R3HCC1L: variants seen among roughly 807,000 people sequenced by gnomAD.
R3HCC1L encodes the protein coiled-coil domain-containing protein R3HCC1L.
In R3HCC1L, 51 loss-of-function variants were observed where a neutral mutation model predicts 59.9. The ratio of observed to expected loss-of-function variants is 0.85; its 90% CI spans 0.68 to 1.07. R3HCC1L has a LOEUF of 1.07. Ranked by LOEUF, R3HCC1L falls within the 50% of genes least tolerant of loss-of-function variation. The pLI is 0.00. For missense variants in R3HCC1L, 965 were observed against 933.0 expected, an observed-to-expected ratio of 1.03 and a Z score of -0.45; for synonymous variants, 322 against 315.2, an observed-to-expected ratio of 1.02 and a Z score of -0.23.
chr10:98,208,953 C>T lies in R3HCC1L; in HGVS notation c.839C>T (p.Thr280Ile), dbSNP rs1373171971. The change falls in exon 5 of 10, where the codon ACT becomes ATT. Residue 280 changes from threonine to isoleucine, a missense_variant. Physicochemically the swap from Thr to Ile is moderately conservative, Grantham distance 89. Coordinates refer to ENST00000298999, the MANE Select transcript of R3HCC1L (RefSeq NM_001351015.2). ...PGSPDGVFDQ[T>I]CVDFEVESVG... is the part of the protein sequence containing the mutation. ...AGTCCAGATGGTGTCTTTGATCAAA[C>T]TTGCGTAGATTTTGAAGTTGAGAGT... The T allele has an allele frequency of 6.2e-6, 10 of 1,614,040 alleles. No individual in the cohort carries two copies. Among genetic ancestry groups the T allele is most frequent in the Non-Finnish European group, 8.5e-6 (10 of 1,179,962 alleles).
At chr10:98,135,152 G>T (rs914139644) in intron 1 of R3HCC1L, among the ~76,000 whole-genome samples, 2 of 152,228 alleles carry the variant, frequency 1.3e-5, no homozygotes, top group East Asian at 1.9e-4. Flanking sequence ...GGAGCCCCGG[G>T]CTACGGGCTG....
intron 4 of R3HCC1L, among the ~76,000 whole-genome samples, chr10:98,198,327 T>C (rs1851670975): frequency 1.3e-5 from 2 of 152,224 alleles, no homozygotes; most frequent in East Asian, 3.9e-4. Context: ...TAAATTTGTC[T>C]GTAAGGTACT....
At chr10:98,216,609 G>T (rs1337045883) in intron 5 of R3HCC1L, among the ~76,000 whole-genome samples, 1 of 152,102 alleles carries the variant, frequency 6.6e-6, no homozygotes, top group Non-Finnish European at 1.5e-5. Context: ...GTCTCACTTT[G>T]TTGCCCAGGC....
At chr10:98,164,672 C>G (rs1445626828) in intron 4 of R3HCC1L, among the ~76,000 whole-genome samples, 2 of 152,098 alleles carry the variant, frequency 1.3e-5, no homozygotes, top group Middle Eastern at 3.2e-3. Flanking sequence ...CACAAGAGTA[C>G]TTCTCAAGTC....
chr10:98,208,129 A>G lies in R3HCC1L; in HGVS notation c.15A>G (p.Ser5=). The change falls in exon 5 of 10, where the codon TCA becomes TCG. Residue 5 remains serine (S), a synonymous_variant. Coordinates refer to ENST00000298999, the MANE Select transcript of R3HCC1L (RefSeq NM_001351015.2). MQQE[S]ERCRVRARRP... ...GTGGTGGTGCCATGCAGCAAGAATCAGAGAGATGCAGAGTTAGAGCCAGAA... is the reference window on the plus strand; with the variant it reads ...GTGGTGGTGCCATGCAGCAAGAATCGGAGAGATGCAGAGTTAGAGCCAGAA... 1.9e-6 allele frequency: 3 copies of G among 1,610,376 alleles called. No homozygotes were observed. The South Asian group carries it at 3.3e-5, about 18-fold the overall frequency.
At chr10:98,159,368 T>C (rs73323858) in intron 2 of R3HCC1L, among the ~76,000 whole-genome samples, 6,311 of 152,294 alleles carry the variant, frequency 0.041, 416 homozygotes, top group African/African-American at 0.14. Flanking sequence ...TTTTTATGTT[T>C]AACCATTTTT....
intron 4 of R3HCC1L, among the ~76,000 whole-genome samples, chr10:98,196,430 T>C (rs1252535581): frequency 6.6e-6 from 1 of 152,152 alleles, no homozygotes; most frequent in Non-Finnish European, 1.5e-5. Flanking sequence ...ACAGCATTTA[T>C]CTTATTTTAT....
chr10:98,139,311 T>C (rs1257796864), intron 1 of R3HCC1L, among the ~76,000 whole-genome samples: 1 of 152,248 alleles, frequency 6.6e-6, no homozygotes, highest in African/African-American at 2.4e-5. Context: ...AAATATATGA[T>C]TAGCCGTCAC....
intron 4 of R3HCC1L, among the ~76,000 whole-genome samples, 176 bp from the exon 5 acceptor site, chr10:98,207,925 G>A (rs1026803516): frequency 5.9e-5 from 9 of 152,202 alleles, no homozygotes; most frequent in African/African-American, 2.2e-4. Context: ...TCAGGAGGCA[G>A]AGGTGGAAGG....
At chr10:98,147,208 T>A (rs1845746732) in intron 1 of R3HCC1L, among the ~76,000 whole-genome samples, 1 of 152,208 alleles carries the variant, frequency 6.6e-6, no homozygotes, top group East Asian at 1.9e-4. Context: ...TTGAATGTCA[T>A]CTTTTGAAAC....
chr10:98,163,909 AC>A (rs1847685513), intron 4 of R3HCC1L, among the ~76,000 whole-genome samples: 1 of 152,188 alleles, frequency 6.6e-6, no homozygotes, highest in Non-Finnish European at 1.5e-5. Context: ...TTTAAATATT[AC>A]CCTATAAGTA....
chr10:98,151,971 G>A (rs370745120), intron 1 of R3HCC1L, among the ~76,000 whole-genome samples: 129 of 151,652 alleles, frequency 8.5e-4, no homozygotes, highest in Non-Finnish European at 1.4e-3. Flanking sequence ...GGTCTCCCTC[G>A]CCCTCTTTCC....
intron 5 of R3HCC1L, 62 bp from the exon 6 acceptor site, chr10:98,231,450 A>G (rs1856378801): frequency 7.0e-7 from 1 of 1,420,312 alleles, no homozygotes; most frequent in Admixed American, 2.0e-5. Context: ...TATATATAGG[A>G]ATATATTTTA....
At chr10:98,174,865 A>G in intron 4 of R3HCC1L, 1 of 768,110 alleles carries the variant, frequency 1.3e-6, no homozygotes, top group Non-Finnish European at 1.6e-6. Context: ...TTACATATTG[A>G]TGTTCGTAAT....
At chr10:98,135,132 C>T (rs900373112) in intron 1 of R3HCC1L, among the ~76,000 whole-genome samples, 4 of 152,260 alleles carry the variant, frequency 2.6e-5, no homozygotes, top group Non-Finnish European at 5.9e-5. Context: ...TGAGCCTCCT[C>T]CGCTGCCCGG....
chr10:98,143,175 G>A (rs1235030180), intron 1 of R3HCC1L, among the ~76,000 whole-genome samples: 1 of 152,182 alleles, frequency 6.6e-6, no homozygotes, highest in Non-Finnish European at 1.5e-5. Flanking sequence ...TTATTAGCTT[G>A]TTTTGGTAGT....
At chr10:98,171,690 A>G (rs1437361981) in intron 4 of R3HCC1L, among the ~76,000 whole-genome samples, 1 of 152,174 alleles carries the variant, frequency 6.6e-6, no homozygotes. Flanking sequence ...AAGCTTAGCA[A>G]AAGAGAGCAT....
At chr10:98,176,589 T>TC (rs1477076688) in intron 4 of R3HCC1L, among the ~76,000 whole-genome samples, 7 of 152,318 alleles carry the variant, frequency 4.6e-5, no homozygotes, top group African/African-American at 1.7e-4. Context: ...CTTACTTAGT[T>TC]CTGGTAGCTT....
At chr10:98,219,863 C>T (rs1172324467) in intron 5 of R3HCC1L, among the ~76,000 whole-genome samples, 1 of 152,126 alleles carries the variant, frequency 6.6e-6, no homozygotes, top group East Asian at 1.9e-4. Flanking sequence ...TTGGAGAAGA[C>T]ATTTTTGGGT....
Sources: allele counts gnomAD v4.1 joint callset (sites outside exome capture counted in the v4.1 genomes callset), GRCh38; gene constraint gnomAD v4.1.1; transcripts MANE v1.5; gene names NCBI Gene and HGNC (gene_info 2026-07-23, HGNC 2026-07-21).